The following MAF variants were observed in gnomAD, a reference collection of about 807,000 sequenced individuals.
MAF encodes the protein transcription factor Maf.
Under a neutral mutation model 22.0 loss-of-function variants are expected in MAF, and 10 were observed. The ratio of observed to expected loss-of-function variants is 0.45; its 90% CI spans 0.28 to 0.77. The LOEUF is 0.77. Among genes scored for constraint, MAF ranks in the 30% least tolerant of loss-of-function variants. The probability of loss-of-function intolerance (pLI) is 0.12; values close to 1 mark genes in which losing one functional copy is unlikely to be tolerated. For synonymous variants in MAF, 337 were observed against 255.8 expected (o/e 1.32, Z -3.03); for missense variants, 544 against 548.4 (o/e 0.99, Z 0.08).
chr16:79,503,734 A>T, the MAF span, among the ~76,000 whole-genome samples: 1 of 152,182 alleles, frequency 6.6e-6, no homozygotes, highest in Non-Finnish European at 1.5e-5. Flanking sequence ...GAAGCTCAGA[A>T]CTAATTGTGT....
the MAF span, among the ~76,000 whole-genome samples, chr16:79,269,362 G>A: frequency 1.3e-5 from 2 of 152,154 alleles, no homozygotes; most frequent in South Asian, 2.1e-4. Context: ...AATCCAGCCT[G>A]TAGGTTTACA....
At chr16:79,351,858 G>C in the MAF span, among the ~76,000 whole-genome samples, 2 of 152,190 alleles carry the variant, frequency 1.3e-5, no homozygotes, top group Admixed American at 1.3e-4. Context: ...ACCATGGATG[G>C]GCTTCCTCCA....
chr16:79,359,008 T>C, the MAF span, among the ~76,000 whole-genome samples: 1 of 152,126 alleles, frequency 6.6e-6, no homozygotes, highest in African/African-American at 2.4e-5. Context: ...CTCCACAAAA[T>C]GCATATTTTT....
chr16:79,224,323 A>T, the MAF span, among the ~76,000 whole-genome samples: 248 of 152,326 alleles, frequency 1.6e-3, no homozygotes, highest in African/African-American at 5.8e-3. Flanking sequence ...CTTCATGCTA[A>T]AACTCTCAAT....
the MAF span, among the ~76,000 whole-genome samples, chr16:79,376,789 T>C: frequency 2.6e-4 from 39 of 152,336 alleles, no homozygotes; most frequent in Non-Finnish European, 4.7e-4. Context: ...TTTTTTGTCC[T>C]TGTGACAGTT....
the MAF span, among the ~76,000 whole-genome samples, chr16:79,354,090 G>A: frequency 6.6e-6 from 1 of 151,980 alleles, no homozygotes; most frequent in African/African-American, 2.4e-5. Flanking sequence ...CAACTTCTGG[G>A]GCTCAAGTAA....
the MAF span, among the ~76,000 whole-genome samples, chr16:79,417,584 G>C: frequency 6.6e-6 from 1 of 152,138 alleles, no homozygotes; most frequent in African/African-American, 2.4e-5. Flanking sequence ...CCGAAGGAGG[G>C]AGGGCTGGGG....
At chr16:79,508,480 G>A in the MAF span, among the ~76,000 whole-genome samples, 1 of 152,114 alleles carries the variant, frequency 6.6e-6, no homozygotes, top group African/African-American at 2.4e-5. Flanking sequence ...AACTCCTGCT[G>A]TTGCCAGTCC....
chr16:79,451,092 G>C, the MAF span, among the ~76,000 whole-genome samples: 1 of 152,142 alleles, frequency 6.6e-6, no homozygotes, highest in Non-Finnish European at 1.5e-5. Context: ...AGTAGGGCAA[G>C]CCACATCCCC....
At chr16:79,525,051 G>A in the MAF span, among the ~76,000 whole-genome samples, 10 of 152,134 alleles carry the variant, frequency 6.6e-5, no homozygotes, top group Non-Finnish European at 1.5e-5. Flanking sequence ...TCCCCAGCCA[G>A]TGACAAAATA....
At chr16:79,463,026 T>C in the MAF span, among the ~76,000 whole-genome samples, 1 of 152,104 alleles carries the variant, frequency 6.6e-6, no homozygotes, top group Non-Finnish European at 1.5e-5. Context: ...AGGGAGTGAA[T>C]ATTTCAGTCA....
chr16:79,563,033 A>C, the MAF span, among the ~76,000 whole-genome samples: 1 of 152,166 alleles, frequency 6.6e-6, no homozygotes, highest in African/African-American at 2.4e-5. Flanking sequence ...CGTTCAGCAA[A>C]TATCAAGTCA....
At chr16:79,342,611 AC>A in the MAF span, among the ~76,000 whole-genome samples, 2 of 151,348 alleles carry the variant, frequency 1.3e-5, no homozygotes, top group Admixed American at 1.3e-4. Flanking sequence ...CATCATTGTC[AC>A]CATCACCATC....
chr16:79,416,284 G>A, the MAF span, among the ~76,000 whole-genome samples: 1 of 152,140 alleles, frequency 6.6e-6, no homozygotes, highest in Non-Finnish European at 1.5e-5. Context: ...CCTGAATTAG[G>A]TCATCCCTTT....
the MAF span, among the ~76,000 whole-genome samples, chr16:79,502,733 A>AAAT: frequency 9.0e-6 from 1 of 110,836 alleles, no homozygotes; most frequent in Admixed American, 8.4e-5. Flanking sequence ...ATATATATAT[A>AAAT]TATATATATA....
the MAF span, chr16:79,203,078 A>G: frequency 6.6e-6 from 1 of 152,360 alleles, no homozygotes; most frequent in East Asian, 1.9e-4. Context: ...AATTAAAGCA[A>G]CAGCACACAC....
the MAF span, among the ~76,000 whole-genome samples, chr16:79,407,832 G>C: frequency 5.5e-4 from 84 of 152,182 alleles, 1 homozygote; most frequent in East Asian, 0.014. Flanking sequence ...TTCGTTTCAT[G>C]AATGCCTCAA....
chr16:79,522,084 G>C, the MAF span, among the ~76,000 whole-genome samples: 1 of 152,308 alleles, frequency 6.6e-6, no homozygotes, highest in South Asian at 2.1e-4. Context: ...GAGGTGTGTA[G>C]GGGGATAGAG....
the MAF span, among the ~76,000 whole-genome samples, chr16:79,443,638 G>A: frequency 3.3e-5 from 5 of 152,226 alleles, no homozygotes; most frequent in South Asian, 2.1e-4. Context: ...AATATCAGGA[G>A]CAAATGCAGA....
Sources: gnomAD v4.1 joint callset for allele counts (sites outside exome capture counted in the v4.1 genomes callset) on GRCh38, gnomAD v4.1.1 for gene constraint, MANE v1.5 for transcripts, NCBI Gene and HGNC (gene_info 2026-07-23, HGNC 2026-07-21) for gene names.